Variants in TIMMDC1 observed in about 807,000 individuals in gnomAD.
TIMMDC1 encodes the protein complex I assembly factor TIMMDC1, mitochondrial.
A neutral mutation model predicts 32.6 loss-of-function variants in TIMMDC1; 25 were observed. The ratio of observed to expected loss-of-function variants is 0.77; its 90% confidence interval spans 0.56 to 1.07. The LOEUF (loss-of-function observed/expected upper bound fraction) is 1.07, where lower values mean the gene tolerates loss of function less well. TIMMDC1 is among the 50% of genes least tolerant of loss of function. The pLI, the probability that TIMMDC1 is intolerant of heterozygous loss-of-function variation, is 0.00. For missense variants in TIMMDC1, 329 were observed against 349.2 expected (o/e 0.94, Z 0.46); for synonymous variants, 130 against 127.6 (o/e 1.02, Z -0.13).
At chr3:119,500,513 C>T (rs1454303976) in intron 1 of TIMMDC1, 182 bp from the exon 2 acceptor site, 24 of 536,818 alleles carry the variant, frequency 4.5e-5, no homozygotes, top group Non-Finnish European at 7.4e-5. Flanking sequence ...AACACCATAG[C>T]TTCGTTTTGT....
chr3:119,518,147 C>T (rs950266903), intron 6 of TIMMDC1, among the ~76,000 whole-genome samples: 1 of 152,070 alleles, frequency 6.6e-6, no homozygotes, highest in Non-Finnish European at 1.5e-5. Context: ...ATCTAATCAT[C>T]TCCTGGGATG....
intron 6 of TIMMDC1, among the ~76,000 whole-genome samples, chr3:119,518,977 C>G (rs931874634): frequency 6.6e-6 from 1 of 152,204 alleles, no homozygotes; most frequent in African/African-American, 2.4e-5. Context: ...ATAGTCTTCT[C>G]AAGACAGGCA....
intron 6 of TIMMDC1, among the ~76,000 whole-genome samples, chr3:119,521,695 TAA>T (rs35164005): frequency 2.1e-5 from 3 of 142,008 alleles, no homozygotes. Context: ...CCTGTCTCTT[TAA>T]AAAAAAAAAA....
At position 119,523,897 on chromosome 3, in the gene TIMMDC1, CT is replaced by C; in HGVS notation, c.*146del. 2.7e-6 allele frequency: 2 copies of C among 743,088 alleles called. No homozygotes were observed. The highest frequency in any genetic ancestry group is 4.1e-6 in the Non-Finnish European group (2 of 486,940). The allele number at this position is 743,088 out of a possible 1,614,324, so 46.0% of individuals were successfully genotyped here. The stretch of plus-strand genomic sequence containing the variant: ...TGTGGTGGCAGTGGCTTGCTCTTGT[CT>C]TTTTCTTTTCTTTTTAACTAAGAAT... On this transcript the variant is annotated 3_prime_UTR_variant, in exon 7 of 7. Coordinates refer to ENST00000494664, the MANE Select transcript of TIMMDC1 (RefSeq NM_016589.4).
rs545235804 is a variant in TIMMDC1, at chr3:119,510,134, A to T, written c.518-3507A>T. Reference sequence around the variant, plus strand: ...GATAGGAGGAAGCAAAATTTTCTGTATTTGTAGGTAATATTTTAAAAGATG... The same window carrying T: ...GATAGGAGGAAGCAAAATTTTCTGTTTTTGTAGGTAATATTTTAAAAGATG... On this transcript the variant is annotated intron_variant, in intron 4 of 6. Transcript: ENST00000494664. Among the ~76,000 whole-genome samples the T allele has an allele frequency of 3.0e-4, 45 of 152,304 alleles. 1 individual carries two copies. The highest frequency in any genetic ancestry group is 1.1e-3 in the African/African-American group (45 of 41,566).
At chr3:119,502,389 C>T (rs2081884772) in intron 2 of TIMMDC1, among the ~76,000 whole-genome samples, 1 of 151,772 alleles carries the variant, frequency 6.6e-6, no homozygotes. Flanking sequence ...GCCACCATTC[C>T]CAGCTAATTT....
At chr3:119,517,466 CTT>C (rs1233192882) in intron 6 of TIMMDC1, 151 bp downstream of exon 6, 1 of 540,848 alleles carries the variant, frequency 1.8e-6, no homozygotes, top group Non-Finnish European at 3.3e-6. Flanking sequence ...TGTACATTGT[CTT>C]TTAATCTATT....
chr3:119,522,487 A>G (rs528526263), intron 6 of TIMMDC1, among the ~76,000 whole-genome samples: 3 of 152,180 alleles, frequency 2.0e-5, no homozygotes, highest in South Asian at 4.1e-4. Flanking sequence ...CATAAATTCT[A>G]GTGTTCTGTG....
At chr3:119,500,522 G>C in intron 1 of TIMMDC1, 173 bp from the exon 2 acceptor site, 1 of 571,446 alleles carries the variant, frequency 1.7e-6, no homozygotes, top group Non-Finnish European at 3.0e-6. Context: ...GCTTCGTTTT[G>C]TCTGAGACTA....
intron 1 of TIMMDC1, chr3:119,500,242 GTC>G (rs893535699): frequency 2.6e-5 from 4 of 152,460 alleles, no homozygotes; most frequent in Admixed American, 1.3e-4. Context: ...GGAAATATTG[GTC>G]TCTCTATCCA....
chr3:119,513,849 T>G (rs550554426), intron 5 of TIMMDC1, 130 bp downstream of exon 5: 1 of 586,398 alleles, frequency 1.7e-6, no homozygotes, highest in Admixed American at 3.6e-5. Context: ...TAGTCTTGCA[T>G]TGGCAGTAGC....
At chr3:119,515,877 A>G (rs1192834635) in intron 5 of TIMMDC1, among the ~76,000 whole-genome samples, 4 of 152,224 alleles carry the variant, frequency 2.6e-5, no homozygotes, top group Non-Finnish European at 1.5e-5. Flanking sequence ...TTGTCTGACT[A>G]GAAGAGTGCT....
At chr3:119,513,894 TA>T (rs1236099331) in intron 5 of TIMMDC1, among the ~76,000 whole-genome samples, 175 bp downstream of exon 5, 1 of 152,254 alleles carries the variant, frequency 6.6e-6, no homozygotes, top group East Asian at 1.9e-4. Flanking sequence ...CCCAATAGTT[TA>T]TCTTATTTAC....
chr3:119,510,733 A>C (rs1486388393), intron 4 of TIMMDC1, among the ~76,000 whole-genome samples: 1 of 152,262 alleles, frequency 6.6e-6, no homozygotes, highest in African/African-American at 2.4e-5. Context: ...AACTATATTC[A>C]GTACAACAAA....
intron 4 of TIMMDC1, among the ~76,000 whole-genome samples, chr3:119,511,545 A>G (rs1366892984): frequency 6.6e-6 from 1 of 152,194 alleles, no homozygotes; most frequent in Non-Finnish European, 1.5e-5. Context: ...ACTCATGTTT[A>G]TCAACTGTAT....
chr3:119,523,181 T>C (rs556306303), intron 6 of TIMMDC1, among the ~76,000 whole-genome samples: 3 of 152,344 alleles, frequency 2.0e-5, no homozygotes, highest in South Asian at 2.1e-4. Flanking sequence ...ACCATTGTTA[T>C]AGCCTTTGAC....
intron 5 of TIMMDC1, among the ~76,000 whole-genome samples, chr3:119,514,867 T>C (rs934147256): frequency 6.6e-6 from 1 of 152,094 alleles, no homozygotes; most frequent in African/African-American, 2.4e-5. Flanking sequence ...AGAATCTGTT[T>C]CCAAGCTCAT....
chr3:119,514,068 A>C (rs926304373), intron 5 of TIMMDC1, among the ~76,000 whole-genome samples: 1 of 152,242 alleles, frequency 6.6e-6, no homozygotes, highest in Non-Finnish European at 1.5e-5. Context: ...ACAGGTATTT[A>C]TGGGAGCAGG....
Position 119,498,626 on chromosome 3 carries a change from G to C in TIMMDC1, c.-108G>C. On this transcript the variant is annotated 5_prime_UTR_variant, in exon 1 of 7. Coordinates refer to ENST00000494664, the MANE Select transcript of TIMMDC1 (RefSeq NM_016589.4). ...AGCCCTCTGGCAGAGGGTTAACCTGGGTCAAATGCACGGATTCTCACCTCG... is the reference window on the plus strand; with the variant it reads ...AGCCCTCTGGCAGAGGGTTAACCTGCGTCAAATGCACGGATTCTCACCTCG... 1.8e-6 allele frequency: 2 copies of C among 1,131,042 alleles called. No homozygotes were observed. Among genetic ancestry groups the C allele is most frequent in the Non-Finnish European group, 1.3e-6 (1 of 777,872 alleles). 70.1% of individuals were successfully genotyped at this position (1,131,042 alleles called of 1,614,324 possible).
Sources: allele counts gnomAD v4.1 joint callset (sites outside exome capture counted in the v4.1 genomes callset), GRCh38; gene constraint gnomAD v4.1.1; transcripts MANE v1.5; gene names NCBI Gene and HGNC (gene_info 2026-07-23, HGNC 2026-07-21).